The following SCN1A variants were observed in gnomAD, a reference collection of about 807,000 sequenced individuals.
SCN1A encodes the protein sodium voltage-gated channel alpha subunit 1, also known as sodium channel protein type 1 subunit alpha.
Under a neutral mutation model 193.7 loss-of-function variants are expected in SCN1A, and 13 were observed. The observed-to-expected ratio is 0.07, with a 90% CI of 0.04 to 0.11. The LOEUF (loss-of-function observed/expected upper bound fraction) is 0.11, where lower values mean the gene tolerates loss of function less well. SCN1A is among the 10% of genes least tolerant of loss of function. The probability of loss-of-function intolerance (pLI) is 1.00; values close to 1 mark genes in which losing one functional copy is unlikely to be tolerated. For missense variants in SCN1A, 1,432 were observed against 2,451.1 expected (o/e 0.58, Z 8.78); for synonymous variants, 781 against 843.6 (o/e 0.93, Z 1.29).
chr2:166,117,894 C>T (rs1238088356), intron 2 of SCN1A, among the ~76,000 whole-genome samples: 6 of 151,164 alleles, frequency 4.0e-5, no homozygotes, highest in Admixed American at 6.6e-5. Flanking sequence ...ACCCAGGAGG[C>T]GGAGATTGCA....
At position 165,989,898 on chromosome 2, in the gene SCN1A, T is replaced by C. The variant is rs563910659; in HGVS notation, c.*1347A>G. 4 of 152,738 alleles carry C rather than the reference T, an allele frequency of 2.6e-5. No homozygotes were observed. The highest frequency in any genetic ancestry group is 4.1e-4 in the South Asian group (2 of 4,832). 9.5% of individuals were successfully genotyped at this position (152,738 alleles called of 1,614,324 possible). ...TTTTTTTAAACATGTCTGTACAGTC[T>C]GGCTATATACCATATGTTATCCACT... On this transcript the variant is annotated 3_prime_UTR_variant, in exon 29 of 29. Coordinates refer to ENST00000674923, the MANE Select transcript of SCN1A (RefSeq NM_001165963.4).
chr2:166,092,686 A>G (rs1438038231), intron 2 of SCN1A: 2 of 152,170 alleles, frequency 1.3e-5, no homozygotes, highest in Admixed American at 6.5e-5. Context: ...CATTTCTTAC[A>G]TGGAGATTTA....
At chr2:166,013,938 T>C (rs769718398) in intron 20 of SCN1A, 40 bp from the exon 21 acceptor site, 48 of 1,602,722 alleles carry the variant, frequency 3.0e-5, no homozygotes, top group Non-Finnish European at 4.1e-5. Flanking sequence ...AAAGTGTCTC[T>C]GCTTCCATAA....
chr2:166,118,343 C>A (rs1690140012), intron 2 of SCN1A, among the ~76,000 whole-genome samples: 1 of 97,120 alleles, frequency 1.0e-5, no homozygotes, highest in African/African-American at 4.4e-5. Context: ...GAAAGCGTCT[C>A]ACTCTCTTGC....
chr2:166,026,680 T>C (rs1012957990), intron 19 of SCN1A, among the ~76,000 whole-genome samples: 2 of 63,718 alleles, frequency 3.1e-5, no homozygotes, highest in East Asian at 1.2e-3. Context: ...TCTTTCTTTC[T>C]TTTTTTTTTT....
Position 165,991,253 on chromosome 2 carries a change from C to T in SCN1A, c.6022G>A (p.Gly2008Arg). The T allele has an allele frequency of 6.2e-7, 1 of 1,612,566 alleles. No individual in the cohort carries two copies. The part of the protein sequence containing the change: ...EQEGKDEKAK[G>R]K ...TTTTTATTTATTTTCATTTATTTCC[C>T]TTTGGCTTTTTCATCTTTGCCTTCT... is the stretch of plus-strand genomic sequence containing the variant. Residue 2008 changes from glycine (G) to arginine (R), a missense_variant, in exon 29 of 29, where the codon GGG becomes AGG. Coordinates refer to ENST00000674923, the MANE Select transcript of SCN1A (RefSeq NM_001165963.4).
At position 165,996,037 on chromosome 2, in the gene SCN1A, C is replaced by T. The variant is rs368785509; in HGVS notation, c.4557G>A (p.Pro1519=). The change falls in exon 27 of 29, where the codon CCG becomes CCA. Residue 1519 remains proline (P), a synonymous_variant. Transcript: ENST00000674923. ...NAMKKLGSKK[P]QKPIPRPGNK... ...CTCCTGGTCGAGGTATAGGCTTTTGCGGTTTTTTCGATCCTAATTTTTTCA... is the reference window on the plus strand; with the variant it reads ...CTCCTGGTCGAGGTATAGGCTTTTGTGGTTTTTTCGATCCTAATTTTTTCA... 90 of 1,607,620 alleles carry T rather than the reference C, an allele frequency of 5.6e-5. No homozygotes were observed. The highest frequency in any genetic ancestry group is 5.0e-4 in the Middle Eastern group (3 of 6,048).
upstream of SCN1A, among the ~76,000 whole-genome samples, chr2:166,132,146 G>C (rs748523598): frequency 3.9e-5 from 6 of 152,124 alleles, no homozygotes; most frequent in Non-Finnish European, 7.4e-5. Context: ...GATGTTAGCA[G>C]GTCTTCTGAT....
chr2:166,049,603 G>A (rs1441400423), intron 9 of SCN1A, among the ~76,000 whole-genome samples: 2 of 151,906 alleles, frequency 1.3e-5, no homozygotes, highest in African/African-American at 4.8e-5. Flanking sequence ...TTATCTCAAA[G>A]ATTCCTGTTT....
chr2:166,030,412 A>G (rs1049415032), intron 19 of SCN1A, among the ~76,000 whole-genome samples: 14 of 143,140 alleles, frequency 9.8e-5, no homozygotes, highest in Non-Finnish European at 4.4e-5. Context: ...ATTACTAAGG[A>G]CCTCACATTT....
intron 6 of SCN1A, among the ~76,000 whole-genome samples, chr2:166,055,710 G>A (rs987204902): frequency 2.0e-5 from 3 of 152,022 alleles, no homozygotes. Context: ...CAAATAGGAA[G>A]TGTGGGCAGG....
chr2:166,145,017 T>C (rs1417078532), intron 1 of SCN1A, among the ~76,000 whole-genome samples: 1 of 152,096 alleles, frequency 6.6e-6, no homozygotes. Context: ...TTGTATTTTT[T>C]AGTAGAGATG....
intron 4 of SCN1A, among the ~76,000 whole-genome samples, chr2:166,068,748 T>C (rs1684106077): frequency 6.7e-6 from 1 of 149,818 alleles, no homozygotes; most frequent in Non-Finnish European, 1.5e-5. Flanking sequence ...GTGTGCATCT[T>C]TTCAGGACAG....
chr2:166,076,681 A>G (rs1380421251), intron 3 of SCN1A, among the ~76,000 whole-genome samples: 1 of 151,974 alleles, frequency 6.6e-6, no homozygotes, highest in Non-Finnish European at 1.5e-5. Flanking sequence ...GTACTGACAA[A>G]AGAATAGATA....
In SCN1A at chr2:166,091,994, A is replaced by T. The variant is rs539201658; in HGVS notation, c.-141-14193T>A. 2.6e-5 allele frequency among the ~76,000 whole-genome samples: 4 copies of T among 152,342 alleles called. No homozygotes were observed. The East Asian group carries it at 5.8e-4, about 22-fold the overall frequency. The stretch of plus-strand genomic sequence containing the variant: ...ATCTCATTCTAACACAAGTGTTATC[A>T]TCAAACTAAGGAAACTAAAACATGT... On this transcript the variant is annotated intron_variant, in intron 2 of 28. Transcript: ENST00000674923.
intron 2 of SCN1A, among the ~76,000 whole-genome samples, chr2:166,122,214 T>A (rs1690680617): frequency 6.6e-6 from 1 of 152,228 alleles, no homozygotes; most frequent in Non-Finnish European, 1.5e-5. Flanking sequence ...CCCAATGGTA[T>A]CTGTGAAACA....
intron 1 of SCN1A, among the ~76,000 whole-genome samples, chr2:166,138,829 T>C (rs4368345): frequency 0.77 from 117,293 of 152,084 alleles, 45,894 homozygotes; most frequent in African/African-American, 0.9. Context: ...AAGCCACACT[T>C]AATGCCAGCC....
chr2:166,009,820 C>T lies in SCN1A; in HGVS notation c.3901G>A (p.Ala1301Thr), dbSNP rs780219388. ...AGTTCTGAGTAACCCAAGGCATTTG[C>T]TGTTAAACTGACCAATGAAACCTGC... ...IVDVSLVSLT[A>T]NALGYSELGA... The change falls in exon 23 of 29, where the codon GCA becomes ACA. Residue 1301 changes from alanine (A) to threonine (T), a missense_variant. Ala to Thr is a moderately conservative substitution (Grantham distance 58). Coordinates refer to ENST00000674923, the MANE Select transcript of SCN1A (RefSeq NM_001165963.4). The T allele has an allele frequency of 1.2e-6, 2 of 1,606,792 alleles. No homozygotes were observed. The highest frequency in any genetic ancestry group is 1.7e-6 in the Non-Finnish European group (2 of 1,174,906).
At chr2:166,048,650 G>A (rs1698138942) in intron 10 of SCN1A, among the ~76,000 whole-genome samples, 1 of 151,992 alleles carries the variant, frequency 6.6e-6, no homozygotes, top group Non-Finnish European at 1.5e-5. Flanking sequence ...TGTGAATAGT[G>A]CTGCAATGAA....
Sources: allele counts gnomAD v4.1 joint callset (sites outside exome capture counted in the v4.1 genomes callset), GRCh38; gene constraint gnomAD v4.1.1; transcripts MANE v1.5; gene names NCBI Gene and HGNC (gene_info 2026-07-23, HGNC 2026-07-21).